PTPRN2: variants seen among roughly 807,000 people sequenced by gnomAD.
The protein encoded by PTPRN2 is receptor-type tyrosine-protein phosphatase N2.
In PTPRN2, 74 loss-of-function variants were observed where a neutral mutation model predicts 118.8. That is an observed-to-expected ratio of 0.62 (90% CI 0.52 to 0.76). The LOEUF (loss-of-function observed/expected upper bound fraction) is 0.76. Ranked by LOEUF, PTPRN2 falls within the 30% of genes least tolerant of loss-of-function variation. PTPRN2 has a pLI of 0.00. For synonymous variants in PTPRN2, 641 were observed against 608.0 expected, an observed-to-expected ratio of 1.05 and a Z score of -0.80; for missense variants, 1,481 against 1,394.4, an observed-to-expected ratio of 1.06 and a Z score of -0.99.
intron 11 of PTPRN2, among the ~76,000 whole-genome samples, chr7:158,073,717 C>A (rs113378201): frequency 0.052 from 7,877 of 152,206 alleles, 689 homozygotes; most frequent in African/African-American, 0.18. Context: ...GAAGACACTG[C>A]CCTTTCTATT....
At chr7:157,684,520 G>A (rs1159915704) in intron 12 of PTPRN2, among the ~76,000 whole-genome samples, 2 of 151,990 alleles carry the variant, frequency 1.3e-5, no homozygotes, top group East Asian at 1.9e-4. Flanking sequence ...CGCAGCCACC[G>A]CTGGGTCTCG....
chr7:158,097,259 C>T (rs976371807), intron 10 of PTPRN2, among the ~76,000 whole-genome samples: 5 of 152,044 alleles, frequency 3.3e-5, no homozygotes, highest in African/African-American at 4.8e-5. Flanking sequence ...TGGAGGGGCC[C>T]GGGCAGCACT....
At chr7:157,923,545 G>T (rs1798808157) in intron 11 of PTPRN2, among the ~76,000 whole-genome samples, 1 of 152,166 alleles carries the variant, frequency 6.6e-6, no homozygotes, top group African/African-American at 2.4e-5. Flanking sequence ...TCAAAGACAG[G>T]CCCGAGACCT....
intron 2 of PTPRN2, among the ~76,000 whole-genome samples, chr7:158,326,741 T>G (rs59733579): frequency 0.014 from 1,986 of 141,492 alleles, 88 homozygotes; most frequent in African/African-American, 0.052. Context: ...CTCACACACA[T>G]GCACATTCTC....
chr7:157,723,091 T>C (rs1479612177), intron 12 of PTPRN2, among the ~76,000 whole-genome samples: 2 of 152,216 alleles, frequency 1.3e-5, no homozygotes, highest in Non-Finnish European at 2.9e-5. Context: ...AAGCACAAAA[T>C]TGAATTAAGT....
intron 2 of PTPRN2, among the ~76,000 whole-genome samples, chr7:158,407,266 CCTGGGTCCTGG>C (rs1396349978): frequency 9.2e-5 from 8 of 87,240 alleles, no homozygotes; most frequent in Non-Finnish European, 1.6e-4. Flanking sequence ...GGTCCTGGGT[CCTGGGTCCTGG>C]GTCCTGGGTC....
intron 3 of PTPRN2, among the ~76,000 whole-genome samples, chr7:158,227,232 G>A (rs1278613791): frequency 1.3e-5 from 2 of 152,120 alleles, no homozygotes; most frequent in Admixed American, 6.6e-5. Flanking sequence ...TAAAAAAGAG[G>A]TGCTGAGCAG....
At chr7:157,992,359 T>C (rs1585156938) in intron 11 of PTPRN2, among the ~76,000 whole-genome samples, 2 of 151,782 alleles carry the variant, frequency 1.3e-5, no homozygotes, top group Non-Finnish European at 2.9e-5. Flanking sequence ...GAGTTGGGAG[T>C]GGAATCGCCA....
intron 2 of PTPRN2, among the ~76,000 whole-genome samples, chr7:158,430,569 A>T (rs1816096726): frequency 6.6e-6 from 1 of 152,168 alleles, no homozygotes; most frequent in Non-Finnish European, 1.5e-5. Context: ...ATGGGAGTGC[A>T]TTGCTTCTTG....
intron 12 of PTPRN2, among the ~76,000 whole-genome samples, chr7:157,795,114 G>A (rs1231976039): frequency 8.2e-5 from 11 of 134,166 alleles, no homozygotes; most frequent in Non-Finnish European, 3.2e-5. Context: ...TGGGGCTCAA[G>A]CTCAAAGCCC....
intron 12 of PTPRN2, among the ~76,000 whole-genome samples, chr7:157,777,537 C>T (rs891510582): frequency 6.6e-6 from 1 of 152,190 alleles, no homozygotes; most frequent in African/African-American, 2.4e-5. Flanking sequence ...CTCAGGGATG[C>T]AGCAAGGCTC....
intron 9 of PTPRN2, among the ~76,000 whole-genome samples, chr7:158,114,574 G>A (rs1329729062): frequency 6.6e-6 from 1 of 152,200 alleles, no homozygotes; most frequent in Non-Finnish European, 1.5e-5. Context: ...TGAGCCAGGA[G>A]CTATGGAAGC....
intron 10 of PTPRN2, among the ~76,000 whole-genome samples, chr7:158,103,382 A>G (rs549502778): frequency 2.0e-5 from 3 of 152,234 alleles, no homozygotes; most frequent in Non-Finnish European, 4.4e-5. Context: ...CCTTAAAATA[A>G]CAGCAGTAGG....
chr7:157,878,946 C>T (rs112856169), intron 12 of PTPRN2, among the ~76,000 whole-genome samples: 4 of 112,214 alleles, frequency 3.6e-5, no homozygotes, highest in Admixed American at 1.0e-4. Flanking sequence ...TGGGGCTTGA[C>T]GGGTCAGTGT....
At chr7:158,169,937 C>G (rs1823391173) in intron 5 of PTPRN2, among the ~76,000 whole-genome samples, 1 of 152,260 alleles carries the variant, frequency 6.6e-6, no homozygotes, top group South Asian at 2.1e-4. Context: ...AGTGATGGGC[C>G]TGCCTTAGCC....
chr7:158,358,079 A>C (rs1271210791), intron 2 of PTPRN2, among the ~76,000 whole-genome samples: 1 of 152,146 alleles, frequency 6.6e-6, no homozygotes. Flanking sequence ...CAACTTTGTG[A>C]GTTACTCGAA....
chr7:158,006,167 G>A (rs1378702413), intron 11 of PTPRN2, among the ~76,000 whole-genome samples: 3 of 152,168 alleles, frequency 2.0e-5, no homozygotes, highest in African/African-American at 7.2e-5. Context: ...AACTTACGGA[G>A]TTTTGCAGAT....
chr7:158,461,818 CT>C (rs1819014660), intron 2 of PTPRN2, among the ~76,000 whole-genome samples: 2 of 152,196 alleles, frequency 1.3e-5, no homozygotes, highest in Non-Finnish European at 2.9e-5. Flanking sequence ...AACAAACGTG[CT>C]TTCAATTATT....
intron 12 of PTPRN2, among the ~76,000 whole-genome samples, chr7:157,697,916 C>G (rs1186276853): frequency 5.3e-5 from 8 of 151,308 alleles, no homozygotes; most frequent in African/African-American, 1.9e-4. Context: ...TCTACTCATG[C>G]ATACTGGGTC....
Sources: gnomAD v4.1 joint callset for allele counts (sites outside exome capture counted in the v4.1 genomes callset) on GRCh38, gnomAD v4.1.1 for gene constraint, MANE v1.5 for transcripts, NCBI Gene and HGNC (gene_info 2026-07-23, HGNC 2026-07-21) for gene names.